NR2F1-AS1: variants seen among roughly 807,000 people sequenced by gnomAD.
NR2F1-AS1 encodes the protein NR2F1 regulatory antisense RNA 1, also known as NR2F1 antisense RNA 1.
At chr5:93,484,257 C>T (rs1750667927) in intron 4 of NR2F1-AS1, among the ~76,000 whole-genome samples, 1 of 152,188 alleles carries the variant, frequency 6.6e-6, no homozygotes, top group African/African-American at 2.4e-5. Context: ...GATCTCTCTG[C>T]AGAAACCCTA....
chr5:93,542,022 T>C (rs188365671), intron 4 of NR2F1-AS1: 23 of 151,488 alleles, frequency 1.5e-4, no homozygotes, highest in Admixed American at 5.3e-4. Context: ...AGTGATTCTG[T>C]CTTTATTTAA....
At chr5:93,521,972 A>T (rs1751509647) in intron 4 of NR2F1-AS1, among the ~76,000 whole-genome samples, 1 of 152,200 alleles carries the variant, frequency 6.6e-6, no homozygotes, top group Non-Finnish European at 1.5e-5. Context: ...GCCCATCAAT[A>T]ACAAATTAAA....
chr5:93,412,121 T>C (rs949313448), intron 4 of NR2F1-AS1, among the ~76,000 whole-genome samples: 1 of 152,328 alleles, frequency 6.6e-6, no homozygotes, highest in Admixed American at 6.5e-5. Context: ...TACACCATCA[T>C]GCACCAGAAA....
chr5:93,418,488 G>A (rs1250978613), intron 4 of NR2F1-AS1, among the ~76,000 whole-genome samples: 2 of 152,074 alleles, frequency 1.3e-5, no homozygotes, highest in East Asian at 1.9e-4. Context: ...TTGGGAGGCT[G>A]AGGCAGAGAA....
intron 4 of NR2F1-AS1, among the ~76,000 whole-genome samples, chr5:93,498,783 G>A (rs1438227606): frequency 6.6e-6 from 1 of 152,024 alleles, no homozygotes; most frequent in African/African-American, 2.4e-5. Context: ...CTGGATAAAG[G>A]CTCTTCAGAG....
At position 93,485,757 on chromosome 5, in the gene NR2F1-AS1, T is replaced by A. The variant is rs556608213; in HGVS notation, n.638+68004A>T. Among the ~76,000 whole-genome samples the A allele has an allele frequency of 2.4e-3, 363 of 151,968 alleles. 1 individual carries two copies. Among genetic ancestry groups the A allele is most frequent in the African/African-American group, 8.3e-3 (343 of 41,432 alleles). Reference sequence around the variant, plus strand: ...ATACCATTTGACCCAGCCATCCCATTACTGGGTATATACCCAAAGGACTAC... The same window carrying A: ...ATACCATTTGACCCAGCCATCCCATAACTGGGTATATACCCAAAGGACTAC... On this transcript the variant is annotated intron_variant and non_coding_transcript_variant, in intron 4 of 5. Coordinates refer to ENST00000660523, the Ensembl canonical transcript of NR2F1-AS1.
At chr5:93,486,465 C>T (rs1750720003) in intron 4 of NR2F1-AS1, among the ~76,000 whole-genome samples, 2 of 152,058 alleles carry the variant, frequency 1.3e-5, no homozygotes, top group Admixed American at 1.3e-4. Flanking sequence ...ACTATAAACA[C>T]CTCTACGCAA....
At chr5:93,546,890 T>C (rs1170923046) in intron 4 of NR2F1-AS1, among the ~76,000 whole-genome samples, 1 of 152,154 alleles carries the variant, frequency 6.6e-6, no homozygotes, top group Non-Finnish European at 1.5e-5. Context: ...ATGTTGTTAA[T>C]GTCTACAATT....
intron 4 of NR2F1-AS1, among the ~76,000 whole-genome samples, chr5:93,432,203 C>T (rs1192704355): frequency 6.6e-6 from 1 of 152,074 alleles, no homozygotes; most frequent in Non-Finnish European, 1.5e-5. Flanking sequence ...TAAAAAATGT[C>T]AGATGTTATA....
chr5:93,572,435 C>A lies in NR2F1-AS1; in HGVS notation n.313+8032G>T, dbSNP rs1163062188. Among the ~76,000 whole-genome samples, 5 of 152,250 alleles carry A rather than the reference C, an allele frequency of 3.3e-5. No homozygotes were observed. In the East Asian group the frequency reaches 5.8e-4, roughly 18 times the overall value. ...GCAGAGCCCAGGGAGAAGCGACATG[C>A]CCCCGGCTCCGTGCTCCTCTTCGCC... On this transcript the variant is annotated intron_variant and non_coding_transcript_variant, in intron 1 of 5. Transcript: ENST00000660523.
At chr5:93,580,616 C>T (rs939228268) in exon 1 of NR2F1-AS1, 8 of 153,102 alleles carry the variant, frequency 5.2e-5, no homozygotes, top group Non-Finnish European at 1.0e-4. Flanking sequence ...CCCTTCGTCT[C>T]TCTCCGCGTT....
intron 4 of NR2F1-AS1, chr5:93,411,569 G>T (rs566098820): frequency 6.6e-6 from 1 of 152,154 alleles, no homozygotes; most frequent in Non-Finnish European, 1.5e-5. Flanking sequence ...CTTTTCAGAA[G>T]TACAAAGGTT....
chr5:93,570,133 T>C (rs968133378), intron 1 of NR2F1-AS1: 3 of 152,228 alleles, frequency 2.0e-5, no homozygotes, highest in Non-Finnish European at 4.4e-5. Context: ...ATGAACTACA[T>C]AGCACTTTCT....
chr5:93,526,781 C>T lies in NR2F1-AS1; in HGVS notation n.638+26980G>A, dbSNP rs545383295. Reference sequence around the variant, plus strand: ...TCTCAACAGATGCTGAAAAGGCCTTCGATAAAATTTAACACCCCTTCACGC... The same window carrying T: ...TCTCAACAGATGCTGAAAAGGCCTTTGATAAAATTTAACACCCCTTCACGC... On this transcript the variant is annotated intron_variant and non_coding_transcript_variant, in intron 4 of 5. Transcript: ENST00000660523. 1.4e-3 allele frequency among the ~76,000 whole-genome samples: 217 copies of T among 152,074 alleles called. 2 individuals are homozygous for T. Among genetic ancestry groups the T allele is most frequent in the African/African-American group, 5.0e-3 (209 of 41,500 alleles).
intron 4 of NR2F1-AS1, among the ~76,000 whole-genome samples, chr5:93,489,964 G>A (rs1219319524): frequency 6.6e-6 from 1 of 152,142 alleles, no homozygotes; most frequent in African/African-American, 2.4e-5. Flanking sequence ...AAAGAGGATG[G>A]GTGACTCTCA....
intron 4 of NR2F1-AS1, among the ~76,000 whole-genome samples, chr5:93,506,735 C>A (rs1227906817): frequency 6.6e-6 from 1 of 152,058 alleles, no homozygotes; most frequent in Non-Finnish European, 1.5e-5. Context: ...TCAATTAGCT[C>A]CCCCGGGTCC....
intron 4 of NR2F1-AS1, among the ~76,000 whole-genome samples, chr5:93,445,752 G>A (rs1561441114): frequency 1.3e-5 from 2 of 152,098 alleles, no homozygotes; most frequent in Non-Finnish European, 2.9e-5. Flanking sequence ...AACAAAAAAA[G>A]AGAATTTTAG....
At chr5:93,535,160 A>T (rs1293001513) in intron 4 of NR2F1-AS1, among the ~76,000 whole-genome samples, 1 of 152,100 alleles carries the variant, frequency 6.6e-6, no homozygotes, top group Non-Finnish European at 1.5e-5. Flanking sequence ...ACAAAAAAAA[A>T]AAATGGAAGG....
At chr5:93,443,700 C>T (rs1749625796) in intron 4 of NR2F1-AS1, among the ~76,000 whole-genome samples, 1 of 152,116 alleles carries the variant, frequency 6.6e-6, no homozygotes, top group African/African-American at 2.4e-5. Flanking sequence ...ATACAAAGAA[C>T]ACCACAAAGA....
Sources: gnomAD v4.1 joint callset for allele counts (sites outside exome capture counted in the v4.1 genomes callset) on GRCh38, gnomAD v4.1.1 for gene constraint, MANE v1.5 for transcripts, NCBI Gene and HGNC (gene_info 2026-07-23, HGNC 2026-07-21) for gene names.